TOX: variants seen among roughly 807,000 people sequenced by gnomAD.
TOX encodes thymocyte selection-associated high mobility group box protein TOX.
A neutral mutation model predicts 53.7 loss-of-function variants in TOX; 11 were observed. The ratio of observed to expected loss-of-function variants is 0.20; its 90% confidence interval spans 0.13 to 0.34. TOX has a LOEUF of 0.34. Ranked by LOEUF, TOX falls within the 10% of genes least tolerant of loss-of-function variation. The pLI is 1.00. For synonymous variants in TOX, 225 were observed against 245.3 expected (o/e 0.92, Z 0.77); for missense variants, 570 against 664.6 (o/e 0.86, Z 1.56).
intron 1 of TOX, among the ~76,000 whole-genome samples, chr8:59,109,341 C>T (rs1051436723): frequency 2.0e-5 from 3 of 152,088 alleles, no homozygotes; most frequent in East Asian, 1.9e-4. Flanking sequence ...ATCTCTTCTA[C>T]GACCTAGCTT....
In TOX at chr8:58,838,138, G is replaced by A. The variant is rs143856350; in HGVS notation, c.867C>T (p.Gly289=). ...TTGAAGCCACAATTTTAGAGACTTCGCCAAAGGTAGCGTTTGGATTTTGGC... is the reference window on the plus strand; with the variant it reads ...TTGAAGCCACAATTTTAGAGACTTCACCAAAGGTAGCGTTTGGATTTTGGC... ...IKGQNPNATF[G]EVSKIVASMW... The change falls in exon 5 of 9, where the codon GGC becomes GGT. Residue 289 remains glycine (G), a synonymous_variant. Transcript: ENST00000361421. The A allele has an allele frequency of 7.1e-5, 115 of 1,614,142 alleles. No individual in the cohort carries two copies. In the African/African-American group the frequency reaches 1.3e-3, roughly 18 times the overall value.
Position 59,092,511 on chromosome 8 carries a change from A to G in TOX, c.102+26375T>C, listed in dbSNP as rs540842353. ...AGCCAGAGTAATCTCTCTAAAATCT[A>G]CATCTGATATCTCACTTCTTTAATA... is the stretch of plus-strand genomic sequence containing the variant. On this transcript the variant is annotated intron_variant, in intron 1 of 8. Transcript: ENST00000361421. Among the ~76,000 whole-genome samples, 25 of 151,092 alleles carry G rather than the reference A, an allele frequency of 1.7e-4. No homozygotes were observed. In the South Asian group the frequency reaches 5.2e-3, roughly 31 times the overall value.
chr8:58,933,156 C>T (rs16924281), intron 3 of TOX, among the ~76,000 whole-genome samples: 10,205 of 152,148 alleles, frequency 0.067, 432 homozygotes, highest in East Asian at 0.2. Context: ...AAACTTTGCA[C>T]GGTTTTTCTT....
At position 58,824,760 on chromosome 8, in the gene TOX, A is replaced by C. The variant is rs1563363049; in HGVS notation, c.1005+2062T>G. Reference sequence around the variant, plus strand: ...CCCTTGACGAAAGAGAAAGTTCTTCAAGTCTAAGGAAAGGATTTCCCTGTT... The same window carrying C: ...CCCTTGACGAAAGAGAAAGTTCTTCCAGTCTAAGGAAAGGATTTCCCTGTT... On this transcript the variant is annotated intron_variant, in intron 6 of 8. Transcript: ENST00000361421. Among the ~76,000 whole-genome samples the C allele has an allele frequency of 2.0e-5, 3 of 152,172 alleles. No homozygotes were observed. The South Asian group carries it at 6.2e-4, about 32-fold the overall frequency.
intron 1 of TOX, among the ~76,000 whole-genome samples, chr8:59,094,351 T>C (rs1302032786): frequency 6.6e-6 from 1 of 151,970 alleles, no homozygotes; most frequent in Non-Finnish European, 1.5e-5. Context: ...AATTAGCATA[T>C]AGTGGGACTG....
intron 1 of TOX, among the ~76,000 whole-genome samples, chr8:59,047,635 G>A (rs923733671): frequency 1.3e-5 from 2 of 151,192 alleles, no homozygotes; most frequent in South Asian, 2.1e-4. Context: ...ATTCACAGGC[G>A]CCATCATAGC....
At chr8:59,072,220 A>G (rs528310484) in intron 1 of TOX, among the ~76,000 whole-genome samples, 8 of 152,362 alleles carry the variant, frequency 5.3e-5, no homozygotes, top group African/African-American at 1.7e-4. Context: ...AAAGGAAATA[A>G]GACTTGCATT....
chr8:58,874,025 C>T (rs1368516400), intron 3 of TOX, among the ~76,000 whole-genome samples: 1 of 117,652 alleles, frequency 8.5e-6, no homozygotes, highest in Non-Finnish European at 1.6e-5. Flanking sequence ...GTTGGCCAAG[C>T]ATGACAAGGA....
chr8:59,057,690 G>C (rs1400413647), intron 1 of TOX, among the ~76,000 whole-genome samples: 1 of 152,094 alleles, frequency 6.6e-6, no homozygotes, highest in Non-Finnish European at 1.5e-5. Context: ...ATATATGAAT[G>C]CTGGGAAAAA....
chr8:58,973,554 A>G (rs1272610167), intron 1 of TOX, among the ~76,000 whole-genome samples: 1 of 152,162 alleles, frequency 6.6e-6, no homozygotes, highest in Non-Finnish European at 1.5e-5. Context: ...TTTTTAGTCC[A>G]ATATTCCTTG....
chr8:58,836,202 G>A (rs771198247), intron 5 of TOX, among the ~76,000 whole-genome samples: 65 of 152,122 alleles, frequency 4.3e-4, no homozygotes, highest in Non-Finnish European at 5.6e-4. Flanking sequence ...AACAGGGAGG[G>A]GGTTGGGATT....
chr8:58,985,501 T>G (rs7833731), intron 1 of TOX, among the ~76,000 whole-genome samples: 108,668 of 151,962 alleles, frequency 0.72, 39,645 homozygotes, highest in South Asian at 0.83. Flanking sequence ...GGCTAGGAGG[T>G]AGAAAAGGGA....
At chr8:58,947,593 C>A (rs1309650885) in intron 2 of TOX, among the ~76,000 whole-genome samples, 1 of 152,050 alleles carries the variant, frequency 6.6e-6, no homozygotes, top group African/African-American at 2.4e-5. Context: ...CAATAAAAAT[C>A]TCTCTATACT....
intron 4 of TOX, among the ~76,000 whole-genome samples, chr8:58,841,297 C>T (rs1475051786): frequency 2.0e-5 from 3 of 152,158 alleles, no homozygotes; most frequent in Non-Finnish European, 2.9e-5. Context: ...TACTCCTGTT[C>T]GTGTGTAGGC....
At chr8:58,966,356 T>C (rs141264987) in intron 1 of TOX, among the ~76,000 whole-genome samples, 1 of 152,324 alleles carries the variant, frequency 6.6e-6, no homozygotes, top group African/African-American at 2.4e-5. Context: ...GTTACTCTGC[T>C]AGTGCTTTTT....
intron 3 of TOX, among the ~76,000 whole-genome samples, chr8:58,935,538 T>C (rs1329447721): frequency 6.6e-6 from 1 of 152,202 alleles, no homozygotes; most frequent in Non-Finnish European, 1.5e-5. Flanking sequence ...ACTGTTAGCT[T>C]TTATTAGTTG....
chr8:58,830,481 G>A (rs1431897806), intron 5 of TOX, among the ~76,000 whole-genome samples: 6 of 152,020 alleles, frequency 3.9e-5, no homozygotes, highest in African/African-American at 7.2e-5. Context: ...GTTTTCATAC[G>A]CTTATAATCC....
chr8:59,073,465 C>G (rs1053152731), intron 1 of TOX, among the ~76,000 whole-genome samples: 1 of 152,096 alleles, frequency 6.6e-6, no homozygotes, highest in Non-Finnish European at 1.5e-5. Flanking sequence ...AACCAAAGAG[C>G]TTTTGCAGTT....
chr8:59,025,624 C>T (rs1324563283), intron 1 of TOX, among the ~76,000 whole-genome samples: 1 of 152,178 alleles, frequency 6.6e-6, no homozygotes, highest in East Asian at 1.9e-4. Flanking sequence ...ATCCAGTGAT[C>T]TTCCCACCTC....
Sources: allele counts gnomAD v4.1 joint callset (sites outside exome capture counted in the v4.1 genomes callset), GRCh38; gene constraint gnomAD v4.1.1; transcripts MANE v1.5; gene names NCBI Gene and HGNC (gene_info 2026-07-23, HGNC 2026-07-21).